SVIL: variants seen among roughly 807,000 people sequenced by gnomAD.
SVIL encodes the protein supervillin.
In SVIL, 101 loss-of-function variants were observed where a neutral mutation model predicts 240.4. The ratio of observed to expected loss-of-function variants is 0.42; its 90% CI spans 0.36 to 0.50. SVIL has a LOEUF of 0.50. Ranked by LOEUF, SVIL falls within the 20% of genes least tolerant of loss-of-function variation. SVIL has a pLI of 0.01. For missense variants in SVIL, 2,512 were observed against 2,818.7 expected, an observed-to-expected ratio of 0.89 and a Z score of 2.46; for synonymous variants, 999 against 1,100.0, an observed-to-expected ratio of 0.91 and a Z score of 1.82.
chr10:29,460,959 T>G (rs1944185580), intron 36 of SVIL, among the ~76,000 whole-genome samples: 1 of 152,068 alleles, frequency 6.6e-6, no homozygotes, highest in South Asian at 2.1e-4. Context: ...CCATGATGCC[T>G]AACCAACCCC....
At chr10:29,628,345 T>A (rs1957954501) in intron 1 of SVIL, among the ~76,000 whole-genome samples, 1 of 152,238 alleles carries the variant, frequency 6.6e-6, no homozygotes, top group African/African-American at 2.4e-5. Flanking sequence ...TTGGCTGAGA[T>A]AAATTAGATA....
At chr10:29,549,951 A>T (rs1953104546) in intron 6 of SVIL, among the ~76,000 whole-genome samples, 2 of 141,418 alleles carry the variant, frequency 1.4e-5, no homozygotes. Flanking sequence ...GCAACGCACC[A>T]GCATGGCACA....
At position 29,481,573 on chromosome 10, in the gene SVIL, C is replaced by G. The variant is rs183254526; in HGVS notation, c.5100+11G>C. ...CAAGCCCCGAGTTTTGAGGCTTGGT[C>G]GCCGGAATACCTTGTGCTGGGCAAG... On this transcript the variant is annotated intron_variant, in intron 28 of 37. Coordinates refer to ENST00000355867, the MANE Select transcript of SVIL (RefSeq NM_021738.3). 1 of 1,612,326 alleles carries G rather than the reference C, an allele frequency of 6.2e-7. No homozygotes were observed. Among genetic ancestry groups the G allele is most frequent in the African/African-American group, 1.3e-5 (1 of 74,706 alleles).
rs542054051 is a variant in SVIL, at chr10:29,579,056, T to C, written c.-200-9744A>G. Among the ~76,000 whole-genome samples the C allele has an allele frequency of 2.0e-5, 3 of 152,364 alleles. No individual in the cohort carries two copies. In the East Asian group the frequency reaches 5.8e-4, roughly 29 times the overall value. On this transcript the variant is annotated intron_variant, in intron 1 of 37. Coordinates refer to ENST00000355867, the MANE Select transcript of SVIL (RefSeq NM_021738.3). Reference sequence around the variant, plus strand: ...TGCTCTATTTCACCTACTTCGTTACTATGTGTATTCCTAGTTTTCTTCAGA... The same window carrying C: ...TGCTCTATTTCACCTACTTCGTTACCATGTGTATTCCTAGTTTTCTTCAGA...
chr10:29,632,582 C>G (rs933582245), intron 1 of SVIL, among the ~76,000 whole-genome samples: 18 of 152,032 alleles, frequency 1.2e-4, no homozygotes, highest in African/African-American at 4.1e-4. Flanking sequence ...CCAAAGTCTT[C>G]CAGAAGTCTG....
At chr10:29,700,984 C>G (rs1471751474) in intron 1 of SVIL, among the ~76,000 whole-genome samples, 1 of 152,192 alleles carries the variant, frequency 6.6e-6, no homozygotes, top group Non-Finnish European at 1.5e-5. Flanking sequence ...ACCTTCCTCT[C>G]CACGCTCCAG....
chr10:29,598,251 T>A (rs577957293), intron 1 of SVIL, among the ~76,000 whole-genome samples: 22 of 152,302 alleles, frequency 1.4e-4, no homozygotes, highest in Admixed American at 1.4e-3. Context: ...GTATAGAGTT[T>A]CAGTTTTCCA....
At chr10:29,464,687 C>G (rs1400845444) in intron 34 of SVIL, among the ~76,000 whole-genome samples, 2 of 152,168 alleles carry the variant, frequency 1.3e-5, no homozygotes, top group African/African-American at 2.4e-5. Flanking sequence ...CGTGGGCACA[C>G]CCTCTCTTAC....
At chr10:29,656,901 T>C (rs575207245) in intron 3 of SVIL, among the ~76,000 whole-genome samples, 1 of 152,364 alleles carries the variant, frequency 6.6e-6, no homozygotes, top group South Asian at 2.1e-4. Context: ...TTAATATATG[T>C]ACATATTCTG....
chr10:29,696,602 C>T (rs932916255), intron 1 of SVIL, among the ~76,000 whole-genome samples: 4 of 151,246 alleles, frequency 2.6e-5, no homozygotes, highest in South Asian at 2.1e-4. Flanking sequence ...CTCTGCCCCG[C>T]CGCCCCGTCT....
intron 2 of SVIL, among the ~76,000 whole-genome samples, chr10:29,670,228 T>G (rs565229217): frequency 3.3e-5 from 5 of 152,364 alleles, no homozygotes; most frequent in African/African-American, 1.2e-4. Flanking sequence ...GATATTAATT[T>G]AATCTTGTAA....
At chr10:29,606,667 C>T (rs1957035496) in intron 1 of SVIL, among the ~76,000 whole-genome samples, 2 of 152,156 alleles carry the variant, frequency 1.3e-5, no homozygotes. Flanking sequence ...AATTGATTTT[C>T]TCCAGTTGCC....
intron 1 of SVIL, among the ~76,000 whole-genome samples, chr10:29,611,002 C>A (rs1196559233): frequency 6.6e-6 from 1 of 152,166 alleles, no homozygotes; most frequent in African/African-American, 2.4e-5. Flanking sequence ...TCAGCTACTT[C>A]ATAATTACCA....
At chr10:29,642,415 GT>G (rs1958514304) in intron 3 of SVIL, among the ~76,000 whole-genome samples, 1 of 134,472 alleles carries the variant, frequency 7.4e-6, no homozygotes, top group East Asian at 2.3e-4. Flanking sequence ...AAGAGAGAGA[GT>G]GAGAAAGAAA....
intron 5 of SVIL, among the ~76,000 whole-genome samples, chr10:29,551,675 C>T (rs1252557909): frequency 3.9e-5 from 6 of 152,212 alleles, no homozygotes; most frequent in African/African-American, 1.4e-4. Context: ...GAGCTGCCGT[C>T]ATTGGACAAG....
At chr10:29,596,933 G>C (rs773155087) in intron 1 of SVIL, among the ~76,000 whole-genome samples, 1 of 152,212 alleles carries the variant, frequency 6.6e-6, no homozygotes, top group South Asian at 2.1e-4. Flanking sequence ...CCATTGCTAC[G>C]ATGAGGAGAC....
chr10:29,458,137 C>CTGA lies in SVIL; in HGVS notation c.*107_*109dup. On this transcript the variant is annotated 3_prime_UTR_variant, in exon 38 of 38. Coordinates refer to ENST00000355867, the MANE Select transcript of SVIL (RefSeq NM_021738.3). ...TTAACAATGTCAGGTTCTGAAAACT[C>CTGA]TGATTGAAAAATACTTTGTGAAAAA... The CTGA allele has an allele frequency of 9.3e-7, 1 of 1,079,776 alleles. No individual in the cohort carries two copies. The highest frequency in any genetic ancestry group is 2.5e-5 in the East Asian group (1 of 40,808). 66.9% of individuals were successfully genotyped at this position (1,079,776 alleles called of 1,614,324 possible). A position where few individuals can be genotyped will look rare whatever the true frequency, so the allele number is the denominator to read the frequency against.
In SVIL at chr10:29,462,361, G is replaced by T; in HGVS notation, c.6318C>A (p.Ile2106=). 4.3e-6 allele frequency: 7 copies of T among 1,614,194 alleles called. No individual in the cohort carries two copies. Among genetic ancestry groups the T allele is most frequent in the Non-Finnish European group, 5.9e-6 (7 of 1,180,034 alleles). Residue 2106 remains isoleucine (I), a synonymous_variant, in exon 36 of 38, where the codon ATC becomes ATA. Coordinates refer to ENST00000355867, the MANE Select transcript of SVIL (RefSeq NM_021738.3). ...ATGTCAGGGGCTCCAGACCAGCGTGGATAAGGTAAGACTTGGGGGCTGGTT... is the reference window on the plus strand; with the variant it reads ...ATGTCAGGGGCTCCAGACCAGCGTGTATAAGGTAAGACTTGGGGGCTGGTT... The part of the protein sequence containing the change: ...LKKPAPKSYL[I]HAGLEPLTFT...
chr10:29,648,487 A>G (rs946566960), intron 3 of SVIL, among the ~76,000 whole-genome samples: 3 of 152,234 alleles, frequency 2.0e-5, no homozygotes, highest in African/African-American at 7.2e-5. Context: ...GTACCGTCCA[A>G]TTCTCTGAAA....
Sources: gnomAD v4.1 joint callset for allele counts (sites outside exome capture counted in the v4.1 genomes callset) on GRCh38, gnomAD v4.1.1 for gene constraint, MANE v1.5 for transcripts, NCBI Gene and HGNC (gene_info 2026-07-23, HGNC 2026-07-21) for gene names.